Variants in IGF2BP3 observed in about 807,000 individuals in gnomAD.
The protein encoded by IGF2BP3 is insulin like growth factor 2 mRNA binding protein 3.
Under a neutral mutation model 73.8 loss-of-function variants are expected in IGF2BP3, and 9 were observed. The observed-to-expected ratio is 0.12, with a 90% CI of 0.07 to 0.21. The LOEUF is 0.21. Ranked by LOEUF, IGF2BP3 falls within the 10% of genes least tolerant of loss-of-function variation. IGF2BP3 has a pLI of 1.00. For synonymous variants in IGF2BP3, 258 were observed against 256.7 expected, an observed-to-expected ratio of 1.01 and a Z score of -0.05; for missense variants, 542 against 714.0, an observed-to-expected ratio of 0.76 and a Z score of 2.75.
chr7:23,399,806 G>A (rs775075421), intron 3 of IGF2BP3, among the ~76,000 whole-genome samples: 1 of 152,134 alleles, frequency 6.6e-6, no homozygotes, highest in African/African-American at 2.4e-5. Flanking sequence ...CTATCATTAA[G>A]GTCGGTAGAT....
rs999812226 is a variant in IGF2BP3, at chr7:23,469,765, G to A, written c.175+171C>T. On this transcript the variant is annotated intron_variant, in intron 1 of 14. Coordinates refer to ENST00000258729, the MANE Select transcript of IGF2BP3 (RefSeq NM_006547.3). The surrounding 1 kb of genome is among the most constrained non-coding windows in gnomAD (Gnocchi z 6.1). ...GAAGCAGAGCCGCGGGCCGGAGTGGGAGCCGGAGCTGAGGAGAGCCCCGGC... is the reference window on the plus strand; with the variant it reads ...GAAGCAGAGCCGCGGGCCGGAGTGGAAGCCGGAGCTGAGGAGAGCCCCGGC... 1.3e-5 allele frequency among the ~76,000 whole-genome samples: 2 copies of A among 151,610 alleles called. No individual in the cohort carries two copies. Among genetic ancestry groups the A allele is most frequent in the African/African-American group, 4.8e-5 (2 of 41,352 alleles).
At chr7:23,364,224 A>C (rs1434106911) in intron 3 of IGF2BP3, among the ~76,000 whole-genome samples, 1 of 151,980 alleles carries the variant, frequency 6.6e-6, no homozygotes, top group Non-Finnish European at 1.5e-5. Context: ...AAATAGAAAA[A>C]TTAGTTGGGC....
chr7:23,387,021 C>G (rs971014431), intron 3 of IGF2BP3, among the ~76,000 whole-genome samples: 1 of 149,206 alleles, frequency 6.7e-6, no homozygotes, highest in Admixed American at 6.7e-5. Context: ...GAGCAGAGAT[C>G]ACGTCACTGC....
chr7:23,405,320 CAG>C (rs1382320874), intron 3 of IGF2BP3, among the ~76,000 whole-genome samples: 2 of 152,138 alleles, frequency 1.3e-5, no homozygotes, highest in Non-Finnish European at 2.9e-5. Context: ...AAAATCTAGA[CAG>C]AAAGTATCAA....
rs538012761 is a variant in IGF2BP3 at position 23,385,940 on chromosome 7, T to G, written c.286-24199A>C. On this transcript the variant is annotated intron_variant, in intron 3 of 14. Coordinates refer to ENST00000258729, the MANE Select transcript of IGF2BP3 (RefSeq NM_006547.3). ...ATATTTGAACAGACTTCATGGTTTA[T>G]GAGAATTTTTTATATGTGATGATAT... Among the ~76,000 whole-genome samples, 4 of 152,320 alleles carry G rather than the reference T, an allele frequency of 2.6e-5. No individual in the cohort carries two copies. The East Asian group carries it at 7.7e-4, about 29-fold the overall frequency.
intron 10 of IGF2BP3, among the ~76,000 whole-genome samples, 196 bp downstream of exon 10, chr7:23,341,868 A>G (rs967717502): frequency 6.6e-6 from 1 of 152,216 alleles, no homozygotes. Context: ...TGATATTTGA[A>G]AACACATGTT....
At chr7:23,327,389 T>C (rs1404278288) in intron 10 of IGF2BP3, among the ~76,000 whole-genome samples, 3 of 150,972 alleles carry the variant, frequency 2.0e-5, no homozygotes, top group African/African-American at 7.3e-5. Flanking sequence ...CACGCCATTC[T>C]CCTGCCTCAG....
At position 23,446,713 on chromosome 7, in the gene IGF2BP3, G is replaced by T. The variant is rs548481800; in HGVS notation, c.236+21769C>A. On this transcript the variant is annotated intron_variant, in intron 2 of 14. Coordinates refer to ENST00000258729, the MANE Select transcript of IGF2BP3 (RefSeq NM_006547.3). ...TATTGAGAGACAGAATCTCTACATT[G>T]TCTCAAAATATCTCCCCACAAAGTT... Among the ~76,000 whole-genome samples, 5 of 152,228 alleles carry T rather than the reference G, an allele frequency of 3.3e-5. No individual in the cohort carries two copies. In the South Asian group the frequency reaches 1.0e-3, roughly 32 times the overall value.
chr7:23,430,063 T>C (rs182697958), intron 2 of IGF2BP3, among the ~76,000 whole-genome samples: 1 of 152,002 alleles, frequency 6.6e-6, no homozygotes, highest in East Asian at 1.9e-4. Context: ...CAAGTCTAAC[T>C]TGTAACATGT....
chr7:23,415,239 G>A (rs1174832151), intron 3 of IGF2BP3: 2 of 235,986 alleles, frequency 8.5e-6, no homozygotes, highest in South Asian at 3.9e-5. Context: ...CGCATCACCA[G>A]GTCCCTACCC....
intron 11 of IGF2BP3, 129 bp downstream of exon 11, chr7:23,319,009 G>A: frequency 1.6e-6 from 1 of 645,138 alleles, no homozygotes; most frequent in Non-Finnish European, 2.7e-6. Context: ...TTGTTTGGGG[G>A]TTTCTTCATA....
chr7:23,373,944 C>T (rs186442301), intron 3 of IGF2BP3, among the ~76,000 whole-genome samples: 1 of 152,278 alleles, frequency 6.6e-6, no homozygotes, highest in East Asian at 1.9e-4. Context: ...TGTGACATGC[C>T]CACTCCCCTC....
chr7:23,455,321 C>T (rs1338546720), intron 2 of IGF2BP3, among the ~76,000 whole-genome samples: 1 of 152,194 alleles, frequency 6.6e-6, no homozygotes, highest in East Asian at 1.9e-4. Context: ...GTAGTTCCCA[C>T]ACACACCCCA....
chr7:23,328,799 T>G (rs1330895902), intron 10 of IGF2BP3, among the ~76,000 whole-genome samples: 1 of 152,230 alleles, frequency 6.6e-6, no homozygotes, highest in East Asian at 1.9e-4. Context: ...GCTTCAGTAC[T>G]TCGTTCTTTC....
intron 2 of IGF2BP3, 77 bp downstream of exon 2, chr7:23,468,405 A>G: frequency 2.1e-6 from 3 of 1,462,356 alleles, no homozygotes; most frequent in Middle Eastern, 1.7e-4. Context: ...ACCAGAGGAC[A>G]AGAAGTTCTC....
In IGF2BP3 at chr7:23,383,258, T is replaced by C. The variant is rs1180245641; in HGVS notation, c.286-21517A>G. Reference sequence around the variant, plus strand: ...GTTTACATGCAGGCTAACAAGCAAGTATGTGAGTAACTTTTACAACTCAGT... The same window carrying C: ...GTTTACATGCAGGCTAACAAGCAAGCATGTGAGTAACTTTTACAACTCAGT... On this transcript the variant is annotated intron_variant, in intron 3 of 14. Transcript: ENST00000258729. 2.6e-5 allele frequency among the ~76,000 whole-genome samples: 4 copies of C among 152,182 alleles called. No homozygotes were observed. In the East Asian group the frequency reaches 5.8e-4, roughly 22 times the overall value.
At chr7:23,362,755 T>C (rs950154070) in intron 3 of IGF2BP3, 1 of 152,140 alleles carries the variant, frequency 6.6e-6, no homozygotes, top group Non-Finnish European at 1.5e-5. Flanking sequence ...TTCTTATTTA[T>C]TTATTTATTT....
chr7:23,469,847 G>A lies in IGF2BP3; in HGVS notation c.175+89C>T, dbSNP rs983448097. The stretch of plus-strand genomic sequence containing the variant: ...TCACCCCCGCTCCCCCAGCGCGCCG[G>A]GCCTGGGGCCCGCGGAGCCACCCGG... On this transcript the variant is annotated intron_variant, in intron 1 of 14. Coordinates refer to ENST00000258729, the MANE Select transcript of IGF2BP3 (RefSeq NM_006547.3). This position sits in a 1 kb window ranked among gnomAD's most constrained non-coding sequence, Gnocchi z 6.1. The A allele has an allele frequency of 3.3e-6, 3 of 907,788 alleles. No homozygotes were observed. In the East Asian group the frequency reaches 1.1e-4, roughly 32 times the overall value. 56.2% of individuals were successfully genotyped at this position (907,788 alleles called of 1,614,324 possible).
intron 3 of IGF2BP3, among the ~76,000 whole-genome samples, chr7:23,373,534 A>G (rs1296501666): frequency 6.6e-6 from 1 of 152,240 alleles, no homozygotes; most frequent in Non-Finnish European, 1.5e-5. Context: ...CATCATAAAA[A>G]GAAAAACAAA....
Sources: gnomAD v4.1 joint callset for allele counts (sites outside exome capture counted in the v4.1 genomes callset) on GRCh38, gnomAD v4.1.1 for gene constraint, Gnocchi (gnomAD v3.1) non-coding constraint, MANE v1.5 for transcripts, NCBI Gene and HGNC (gene_info 2026-07-23, HGNC 2026-07-21) for gene names.